The following SV2C variants were observed in gnomAD, a reference collection of about 807,000 sequenced individuals.
SV2C encodes solute carrier family 22 member B3.
In SV2C, 49 loss-of-function variants were observed where a neutral mutation model predicts 79.7. The observed-to-expected ratio is 0.61, with a 90% CI of 0.49 to 0.78. The LOEUF is 0.78. Among genes scored for constraint, SV2C ranks in the 30% least tolerant of loss-of-function variants. SV2C has a pLI of 0.00. For missense variants in SV2C, 833 were observed against 912.9 expected (o/e 0.91, Z 1.13); for synonymous variants, 334 against 333.2 (o/e 1.00, Z -0.03).
At chr5:75,942,900 C>T in the SV2C span, among the ~76,000 whole-genome samples, 1 of 152,150 alleles carries the variant, frequency 6.6e-6, no homozygotes, top group Non-Finnish European at 1.5e-5. Flanking sequence ...TGCGATAGTG[C>T]ATGTCTGTAA....
chr5:76,095,973 A>C (rs190780960), intron 1 of SV2C, among the ~76,000 whole-genome samples: 40 of 152,286 alleles, frequency 2.6e-4, no homozygotes, highest in African/African-American at 9.6e-4. Context: ...TTTGATAACA[A>C]AGGCTTTATT....
intron 1 of SV2C, among the ~76,000 whole-genome samples, chr5:76,123,745 G>A (rs1748612914): frequency 6.6e-6 from 1 of 152,142 alleles, no homozygotes; most frequent in Admixed American, 6.5e-5. Context: ...ATAGTCTTGG[G>A]AGTTTTCTGG....
chr5:75,945,735 G>A, the SV2C span, among the ~76,000 whole-genome samples: 1 of 151,874 alleles, frequency 6.6e-6, no homozygotes, highest in Non-Finnish European at 1.5e-5. Flanking sequence ...ATGTTCTCTA[G>A]GCTTAATGAA....
At chr5:76,282,785 G>A (rs576795342) in intron 4 of SV2C, among the ~76,000 whole-genome samples, 13 of 152,204 alleles carry the variant, frequency 8.5e-5, no homozygotes, top group Admixed American at 2.6e-4. Context: ...CGAGGCAGGC[G>A]GATCACTTGA....
In SV2C at chr5:76,131,855, C is replaced by A. The variant is rs745734916; in HGVS notation, c.105C>A (p.Asp35Glu). ...TAAAGAAGGTGAATCAAGCTGTGGA[C>A]CGAGCCCAGGATGAATACACCCAGA... ...QTVKKVNQAV[D>E]RAQDEYTQRS... is the part of the protein sequence containing the mutation. Residue 35 changes from aspartate (D) to glutamate (E), a missense_variant, in exon 2 of 13, where the codon GAC becomes GAA. Transcript: ENST00000502798. 9 of 1,613,992 alleles carry A rather than the reference C, an allele frequency of 5.6e-6. No homozygotes were observed. The highest frequency in any genetic ancestry group is 7.6e-6 in the Non-Finnish European group (9 of 1,179,978).
At chr5:76,040,646 T>C in the SV2C span, among the ~76,000 whole-genome samples, 2 of 152,174 alleles carry the variant, frequency 1.3e-5, no homozygotes, top group Non-Finnish European at 2.9e-5. Flanking sequence ...AGACCCCAGT[T>C]GCTTCTTTCG....
At position 76,279,943 on chromosome 5, in the gene SV2C, GGCA is replaced by G. The variant is rs1243985137; in HGVS notation, c.914-5218_914-5216del. Among the ~76,000 whole-genome samples the G allele has an allele frequency of 5.9e-5, 9 of 152,242 alleles. No homozygotes were observed. In the South Asian group the frequency reaches 1.9e-3, roughly 32 times the overall value. ...CATGTGAGCAGGGTGGCCTTAGCTAGGCACATGGACGGCTCATCAGTTGTAATC... is the reference window on the plus strand; with the variant it reads ...CATGTGAGCAGGGTGGCCTTAGCTAGCATGGACGGCTCATCAGTTGTAATC... On this transcript the variant is annotated intron_variant, in intron 4 of 12. Transcript: ENST00000502798.
the SV2C span, among the ~76,000 whole-genome samples, chr5:76,042,221 C>CA: frequency 1.3e-5 from 2 of 152,180 alleles, no homozygotes; most frequent in African/African-American, 4.8e-5. Context: ...TTTACAATGA[C>CA]AAAAAAATGA....
intron 2 of SV2C, among the ~76,000 whole-genome samples, chr5:76,140,968 C>T (rs1330517535): frequency 1.3e-5 from 2 of 152,150 alleles, no homozygotes; most frequent in African/African-American, 4.8e-5. Context: ...TCCTGTCTAC[C>T]AACACTAGCA....
In SV2C at chr5:76,300,818, G is replaced by T. The variant is rs1747966225; in HGVS notation, c.1726G>T (p.Asp576Tyr). 1 of 1,614,060 alleles carries T rather than the reference G, an allele frequency of 6.2e-7. No homozygotes were observed. The highest frequency in any genetic ancestry group is 8.5e-7 in the Non-Finnish European group (1 of 1,180,010). ...KTGCQITFDD[D>Y]YSAYWIYFVN... The stretch of plus-strand genomic sequence containing the variant: ...GGGATGTCAGATTACCTTTGATGAT[G>T]ACTATAGTGCCTACTGGATTTATTT... The change falls in exon 11 of 13, where the codon GAC (aspartate) becomes TAC (tyrosine). Residue 576 changes from aspartate to tyrosine, a missense_variant. Coordinates refer to ENST00000502798, the MANE Select transcript of SV2C (RefSeq NM_014979.4).
chr5:75,870,742 A>T, the SV2C span, among the ~76,000 whole-genome samples: 1 of 152,330 alleles, frequency 6.6e-6, no homozygotes, highest in Admixed American at 6.5e-5. Context: ...ATGGTCAAGG[A>T]TAAAGTAAGG....
At chr5:75,994,152 T>G in the SV2C span, among the ~76,000 whole-genome samples, 3 of 151,822 alleles carry the variant, frequency 2.0e-5, no homozygotes, top group Non-Finnish European at 4.4e-5. Context: ...AATAAAAGAG[T>G]TTGCAATGGT....
At chr5:75,986,971 G>A in the SV2C span, among the ~76,000 whole-genome samples, 1 of 151,892 alleles carries the variant, frequency 6.6e-6, no homozygotes, top group South Asian at 2.1e-4. Flanking sequence ...TGCTGGCAAT[G>A]CTTTTAAAAG....
chr5:76,146,007 TA>T (rs1749407584), intron 2 of SV2C, among the ~76,000 whole-genome samples: 1 of 152,162 alleles, frequency 6.6e-6, no homozygotes, highest in Non-Finnish European at 1.5e-5. Flanking sequence ...ATTCTTCTCT[TA>T]GGGGTTCATG....
chr5:76,114,005 C>T (rs757386069), intron 1 of SV2C, among the ~76,000 whole-genome samples: 1 of 152,174 alleles, frequency 6.6e-6, no homozygotes, highest in Non-Finnish European at 1.5e-5. Flanking sequence ...TTTCTCAGCA[C>T]ACATCTCTTA....
chr5:76,099,814 A>G (rs1274996305), intron 1 of SV2C, among the ~76,000 whole-genome samples: 4 of 152,202 alleles, frequency 2.6e-5, no homozygotes, highest in Non-Finnish European at 1.5e-5. Flanking sequence ...TCCGAGCTGA[A>G]TTTCTCATCC....
chr5:75,971,546 G>A, the SV2C span, among the ~76,000 whole-genome samples: 16,881 of 151,910 alleles, frequency 0.11, 2,739 homozygotes, highest in African/African-American at 0.35. Context: ...CAAACAGATA[G>A]CCAAATCATG....
chr5:76,302,630 C>CA (rs60732488), intron 12 of SV2C, among the ~76,000 whole-genome samples: 7,157 of 67,218 alleles, frequency 0.11, 410 homozygotes, highest in East Asian at 0.31. Flanking sequence ...GACTCCATCT[C>CA]AAAAAAAAAA....
chr5:76,157,506 T>A lies in SV2C; in HGVS notation c.580+25176T>A, dbSNP rs1742768063. On this transcript the variant is annotated intron_variant, in intron 2 of 12. Transcript: ENST00000502798. Reference sequence around the variant, plus strand: ...ATATATGTGTAAAAGACAGTATTAATGGATATATCACCTCCCTTTTTAAAA... The same window carrying A: ...ATATATGTGTAAAAGACAGTATTAAAGGATATATCACCTCCCTTTTTAAAA... 2.0e-5 allele frequency among the ~76,000 whole-genome samples: 3 copies of A among 152,012 alleles called. No homozygotes were observed. In the South Asian group the frequency reaches 6.2e-4, roughly 31 times the overall value.
Sources: allele counts gnomAD v4.1 joint callset (sites outside exome capture counted in the v4.1 genomes callset), GRCh38; gene constraint gnomAD v4.1.1; transcripts MANE v1.5; gene names NCBI Gene and HGNC (gene_info 2026-07-23, HGNC 2026-07-21).